UTP23: variants seen among roughly 807,000 people sequenced by gnomAD.
The protein encoded by UTP23 is UTP23 small subunit processome component.
A neutral mutation model predicts 19.8 loss-of-function variants in UTP23; 10 were observed. The ratio of observed to expected loss-of-function variants is 0.50; its 90% CI spans 0.31 to 0.86. UTP23 has a LOEUF of 0.86. Ranked by LOEUF, UTP23 falls within the 40% of genes least tolerant of loss-of-function variation. The probability of loss-of-function intolerance (pLI) is 0.05; values close to 1 mark genes in which losing one functional copy is unlikely to be tolerated. For synonymous variants in UTP23, 108 were observed against 105.4 expected, an observed-to-expected ratio of 1.02 and a Z score of -0.15; for missense variants, 282 against 293.1, an observed-to-expected ratio of 0.96 and a Z score of 0.28.
chr8:116,771,381 A>G (rs895563878), intron 2 of UTP23, 75 bp from the exon 3 acceptor site: 2 of 1,231,252 alleles, frequency 1.6e-6, no homozygotes, highest in Non-Finnish European at 2.1e-6. Flanking sequence ...TTTATTTTTA[A>G]TACAGTTCTT....
chr8:116,771,711 T>A lies in UTP23; in HGVS notation c.619T>A (p.Cys207Ser). The change falls in exon 3 of 3, where the codon TGT becomes AGT. Residue 207 changes from cysteine to serine, a missense_variant. Coordinates refer to ENST00000309822, the MANE Select transcript of UTP23 (RefSeq NM_032334.3). Reference protein sequence around the residue: ...KKISGPNPLSCLKKKKKAPDT... With the variant: ...KKISGPNPLSSLKKKKKAPDT... ...AATAAGTGGTCCCAATCCTCTTAGT[T>A]GTTTGAAGAAAAAGAAAAAGGCACC... 1 of 1,612,864 alleles carries A rather than the reference T, an allele frequency of 6.2e-7. No individual in the cohort carries two copies. The highest frequency in any genetic ancestry group is 8.5e-7 in the Non-Finnish European group (1 of 1,179,830).
chr8:116,767,010 C>A, intron 1 of UTP23: 1 of 489,086 alleles, frequency 2.0e-6, no homozygotes, highest in Non-Finnish European at 3.6e-6. Flanking sequence ...GTTAGCCTGG[C>A]GAATGAGAGC....
rs770507670 is a variant in UTP23, at chr8:116,772,608, TTTTG to T, written c.*779_*782del. On this transcript the variant is annotated 3_prime_UTR_variant, in exon 3 of 3. Coordinates refer to ENST00000309822, the MANE Select transcript of UTP23 (RefSeq NM_032334.3). ...ATTTTCATTATTATGACTAGAGTTT[TTTTG>T]TTTGTTTGTTTGAGTTCTACTTGTC... 353 of 984,612 alleles carry T rather than the reference TTTTG, an allele frequency of 3.6e-4. No individual in the cohort carries two copies. The highest frequency in any genetic ancestry group is 2.3e-3 in the African/African-American group (133 of 57,354). The allele number at this position is 984,612 out of a possible 1,614,324, so 61.0% of individuals were successfully genotyped here.
In UTP23 at chr8:116,770,206, A is replaced by C. The variant is rs1449160048; in HGVS notation, c.203A>C (p.Glu68Ala). ...QLCTTRCVLKELETLGKDLYG... is the reference protein window; with the variant it reads ...QLCTTRCVLKALETLGKDLYG... ...TTTCTTTTCAGATGTGTGTTAAAAG[A>C]GCTAGAAACATTGGGAAAGGACTTA... Residue 68 changes from glutamate to alanine, a missense_variant, in exon 2 of 3, where the codon GAG becomes GCG. Coordinates refer to ENST00000309822, the MANE Select transcript of UTP23 (RefSeq NM_032334.3). The C allele has an allele frequency of 1.5e-5, 24 of 1,610,298 alleles. No individual in the cohort carries two copies. The highest frequency in any genetic ancestry group is 1.9e-5 in the Non-Finnish European group (22 of 1,177,330).
chr8:116,772,962 T>G lies in UTP23; in HGVS notation c.*1120T>G. ...TGGAGCCACACTAGAGCAGTGATTC[T>G]CAGTCTAACATTAGGTTATCATGAT... On this transcript the variant is annotated 3_prime_UTR_variant, in exon 3 of 3. Coordinates refer to ENST00000309822, the MANE Select transcript of UTP23 (RefSeq NM_032334.3). 1.2e-5 allele frequency: 12 copies of G among 985,422 alleles called. No individual in the cohort carries two copies. The highest frequency in any genetic ancestry group is 1.4e-5 in the Non-Finnish European group (12 of 829,906). The allele number at this position is 985,422 out of a possible 1,614,324, so 61.0% of individuals were successfully genotyped here.
intron 1 of UTP23, among the ~76,000 whole-genome samples, chr8:116,768,702 T>C (rs896385988): frequency 6.6e-6 from 1 of 152,234 alleles, no homozygotes; most frequent in African/African-American, 2.4e-5. Flanking sequence ...TCTCACTTTA[T>C]TGCCCAGGCT....
intron 1 of UTP23, among the ~76,000 whole-genome samples, chr8:116,769,295 C>T (rs1815621965): frequency 6.6e-6 from 1 of 152,138 alleles, no homozygotes; most frequent in Non-Finnish European, 1.5e-5. Flanking sequence ...AGAGGAAAGG[C>T]AGGAACCCAA....
chr8:116,771,893 A>C lies in UTP23; in HGVS notation c.*51A>C. 6.7e-7 allele frequency: 1 copy of C among 1,490,774 alleles called. No homozygotes were observed. The highest frequency in any genetic ancestry group is 8.9e-7 in the Non-Finnish European group (1 of 1,128,716). 92.3% of individuals were successfully genotyped at this position (1,490,774 alleles called of 1,614,324 possible). A position where few individuals can be genotyped will look rare whatever the true frequency, so the allele number is the denominator to read the frequency against. Reference sequence around the variant, plus strand: ...TCAAATGTGAAAATGAATTTTTTACAACTAGAAGTATTTATAATAAAAGAC... The same window carrying C: ...TCAAATGTGAAAATGAATTTTTTACCACTAGAAGTATTTATAATAAAAGAC... On this transcript the variant is annotated 3_prime_UTR_variant, in exon 3 of 3. Coordinates refer to ENST00000309822, the MANE Select transcript of UTP23 (RefSeq NM_032334.3).
In UTP23 at chr8:116,774,449, G is replaced by A. The variant is rs1004007291; in HGVS notation, c.*2607G>A. On this transcript the variant is annotated 3_prime_UTR_variant, in exon 3 of 3. Transcript: ENST00000309822. ...ATAGGTGGATAGAAATGAATAGTTT[G>A]GAGTCTTTAAAATGTTTTAAAAAAT... 8.2e-6 allele frequency: 8 copies of A among 979,360 alleles called. No homozygotes were observed. Among genetic ancestry groups the A allele is most frequent in the Admixed American group, 6.2e-5 (1 of 16,182 alleles). 60.7% of individuals were successfully genotyped at this position (979,360 alleles called of 1,614,324 possible).
chr8:116,771,852 A>C lies in UTP23; in HGVS notation c.*10A>C. 1 of 1,559,980 alleles carries C rather than the reference A, an allele frequency of 6.4e-7. No individual in the cohort carries two copies. Among genetic ancestry groups the C allele is most frequent in the Non-Finnish European group, 8.6e-7 (1 of 1,163,166 alleles). ...TGCAGAAGGAGAATGAATCCTTTGG[A>C]TACTTTCAAGGACATTCAAATGTGA... On this transcript the variant is annotated 3_prime_UTR_variant, in exon 3 of 3. Coordinates refer to ENST00000309822, the MANE Select transcript of UTP23 (RefSeq NM_032334.3).
In UTP23 at chr8:116,772,752, G is replaced by T; in HGVS notation, c.*910G>T. 1.0e-6 allele frequency: 1 copy of T among 985,362 alleles called. No individual in the cohort carries two copies. Among genetic ancestry groups the T allele is most frequent in the Non-Finnish European group, 1.2e-6 (1 of 829,894 alleles). The allele number at this position is 985,362 out of a possible 1,614,324, so 61.0% of individuals were successfully genotyped here. ...ATGTTATTGAAAAGTGTCTAAATTA[G>T]TCTGAGGATCAATGAGGGTCAATTC... is the stretch of plus-strand genomic sequence containing the variant. On this transcript the variant is annotated 3_prime_UTR_variant, in exon 3 of 3. Transcript: ENST00000309822.
Position 116,770,213 on chromosome 8 carries a change from A to G in UTP23, c.210A>G (p.Glu70=). Residue 70 remains glutamate (E), a synonymous_variant, in exon 2 of 3, where the codon GAA becomes GAG. Transcript: ENST00000309822. ...TCAGATGTGTGTTAAAAGAGCTAGA[A>G]ACATTGGGAAAGGACTTATATGGGG... ...CTTRCVLKEL[E]TLGKDLYGAK... is the part of the protein sequence containing the mutation. 6.2e-7 allele frequency: 1 copy of G among 1,611,380 alleles called. No homozygotes were observed. Among genetic ancestry groups the G allele is most frequent in the African/African-American group, 1.3e-5 (1 of 75,038 alleles).
intron 1 of UTP23, among the ~76,000 whole-genome samples, chr8:116,768,246 C>T (rs1220050887): frequency 1.3e-5 from 2 of 152,168 alleles, no homozygotes; most frequent in Non-Finnish European, 2.9e-5. Context: ...CTAACAAATC[C>T]TTCAGTAGTC....
At chr8:116,769,080 C>T (rs138814750) in intron 1 of UTP23, among the ~76,000 whole-genome samples, 1 of 152,174 alleles carries the variant, frequency 6.6e-6, no homozygotes, top group African/African-American at 2.4e-5. Context: ...GTAGTTAGGT[C>T]TCTACAGAGT....
At chr8:116,771,090 C>A (rs79609068) in intron 2 of UTP23, among the ~76,000 whole-genome samples, 21 of 152,298 alleles carry the variant, frequency 1.4e-4, no homozygotes, top group African/African-American at 4.8e-4. Context: ...ATCTGAGTAG[C>A]TAATTACTAC....
chr8:116,771,739 A>G lies in UTP23; in HGVS notation c.647A>G (p.Asp216Gly), dbSNP rs914931942. 10 of 1,611,968 alleles carry G rather than the reference A, an allele frequency of 6.2e-6. No homozygotes were observed. The South Asian group carries it at 8.8e-5, about 14-fold the overall frequency. Residue 216 changes from aspartate to glycine, a missense_variant, in exon 3 of 3, where the codon GAC becomes GGC. By Grantham distance (94) the Asp-to-Gly change is moderately conservative. Transcript: ENST00000309822. ...SCLKKKKKAP[D>G]TQSSASEKKR... ...TTGAAGAAAAAGAAAAAGGCACCGG[A>G]CACACAATCATCTGCTTCTGAAAAG...
rs1039902968 is a variant in UTP23, at chr8:116,774,642, T to C, written c.*2800T>C. ...ATTCCATACGGGAATATATTAGTCA[T>C]TGATGTATTTTGCCGGTAAAATTAA... is the stretch of plus-strand genomic sequence containing the variant. On this transcript the variant is annotated 3_prime_UTR_variant, in exon 3 of 3. Transcript: ENST00000309822. 1 of 787,806 alleles carries C rather than the reference T, an allele frequency of 1.3e-6. No homozygotes were observed. The highest frequency in any genetic ancestry group is 1.5e-6 in the Non-Finnish European group (1 of 651,228). The allele number at this position is 787,806 out of a possible 1,614,324, so 48.8% of individuals were successfully genotyped here.
intron 1 of UTP23, among the ~76,000 whole-genome samples, chr8:116,769,576 T>C (rs549772510): frequency 6.6e-6 from 1 of 152,276 alleles, no homozygotes; most frequent in Non-Finnish European, 1.5e-5. Flanking sequence ...TCAAGTCTAA[T>C]GACTAAAGCA....
At chr8:116,769,971 A>G (rs756682807) in intron 1 of UTP23, 23 of 390,794 alleles carry the variant, frequency 5.9e-5, no homozygotes, top group Non-Finnish European at 9.5e-5. Flanking sequence ...GTAAAGAGCA[A>G]TTTGCATACT....
Sources: gnomAD v4.1 joint callset for allele counts (sites outside exome capture counted in the v4.1 genomes callset) on GRCh38, gnomAD v4.1.1 for gene constraint, MANE v1.5 for transcripts, NCBI Gene and HGNC (gene_info 2026-07-23, HGNC 2026-07-21) for gene names.